Variants in LPCAT2 observed in about 807,000 individuals in gnomAD.
LPCAT2 encodes lysophosphatidylcholine acyltransferase 2.
Under a neutral mutation model 64.7 loss-of-function variants are expected in LPCAT2, and 58 were observed. That is an observed-to-expected ratio of 0.90 (90% CI 0.73 to 1.12). LPCAT2 has a LOEUF of 1.12. LPCAT2 is among the 50% of genes most tolerant of loss of function. The probability of loss-of-function intolerance (pLI) is 0.00; values close to 1 mark genes in which losing one functional copy is unlikely to be tolerated. For synonymous variants in LPCAT2, 252 were observed against 245.3 expected (o/e 1.03, Z -0.26); for missense variants, 579 against 669.8 (o/e 0.86, Z 1.50).
chr16:55,565,173 G>T (rs1567404274), intron 11 of LPCAT2, among the ~76,000 whole-genome samples: 1 of 148,522 alleles, frequency 6.7e-6, no homozygotes, highest in Non-Finnish European at 1.5e-5. Context: ...CATTAGGATG[G>T]CTATTATTAG....
chr16:55,585,908 T>C lies in LPCAT2; in HGVS notation c.*2810T>C, dbSNP rs1320764596. 1.3e-5 allele frequency: 2 copies of C among 152,150 alleles called. No homozygotes were observed. Among genetic ancestry groups the C allele is most frequent in the Non-Finnish European group, 2.9e-5 (2 of 68,008 alleles). 9.4% of individuals were successfully genotyped at this position (152,150 alleles called of 1,614,324 possible). On this transcript the variant is annotated 3_prime_UTR_variant, in exon 14 of 14. Coordinates refer to ENST00000262134, the MANE Select transcript of LPCAT2 (RefSeq NM_017839.5). ...AAGGTGGTTAATTGAAGGCCACTAA[T>C]TGATGCTCAAATAGAAGGATATTGA... is the stretch of plus-strand genomic sequence containing the variant.
Position 55,550,975 on chromosome 16 carries a change from A to G in LPCAT2, c.1088A>G (p.His363Arg). 3.1e-6 allele frequency: 5 copies of G among 1,606,262 alleles called. No individual in the cohort carries two copies. Among genetic ancestry groups the G allele is most frequent in the Non-Finnish European group, 4.3e-6 (5 of 1,174,744 alleles). Residue 363 changes from histidine (H) to arginine (R), a missense_variant, in exon 11 of 14, where the codon CAT becomes CGT. By Grantham distance (29) the His-to-Arg change is conservative (BLOSUM62 0). Transcript: ENST00000262134. ...LKLDWDGVRK[H>R]LDEYASIASS... ...TTAGATTGGGATGGTGTTCGTAAGC[A>G]TTTGGATGAATATGCATCTATTGCG...
chr16:55,582,043 G>C (rs1040149927), intron 13 of LPCAT2, among the ~76,000 whole-genome samples: 2 of 151,858 alleles, frequency 1.3e-5, no homozygotes, highest in Non-Finnish European at 2.9e-5. Context: ...GGGCTCAAAT[G>C]GTTTTAAAAA....
chr16:55,549,536 A>T (rs9934904), intron 10 of LPCAT2, 134 bp downstream of exon 10: 791,736 of 814,306 alleles, frequency 0.97, 386,136 homozygotes, highest in Non-Finnish European at 0.99. Flanking sequence ...GTCAGAGTTG[A>T]GAATTTATCT....
chr16:55,581,295 A>T (rs573079912), intron 13 of LPCAT2, among the ~76,000 whole-genome samples: 1 of 152,300 alleles, frequency 6.6e-6, no homozygotes, highest in South Asian at 2.1e-4. Flanking sequence ...AACTTCATCT[A>T]TTTTTATTTT....
At position 55,585,179 on chromosome 16, in the gene LPCAT2, CAATTAA is replaced by C. The variant is rs1963931130; in HGVS notation, c.*2084_*2089del. On this transcript the variant is annotated 3_prime_UTR_variant, in exon 14 of 14. Transcript: ENST00000262134. ...CAAACTTGCTACATAAAATTCTTAGCAATTAAAAAAATTCTGATTCTGCCATTTTGT... is the reference window on the plus strand; with the variant it reads ...CAAACTTGCTACATAAAATTCTTAGCAAAAATTCTGATTCTGCCATTTTGT... The C allele has an allele frequency of 6.6e-6, 1 of 152,080 alleles. No individual in the cohort carries two copies. The highest frequency in any genetic ancestry group is 2.1e-4 in the South Asian group (1 of 4,830). 9.4% of individuals were successfully genotyped at this position (152,080 alleles called of 1,614,324 possible). A position where few individuals can be genotyped will look rare whatever the true frequency, so the allele number is the denominator to read the frequency against.
intron 1 of LPCAT2, among the ~76,000 whole-genome samples, chr16:55,512,582 G>A (rs1962948774): frequency 6.6e-6 from 1 of 152,170 alleles, no homozygotes; most frequent in Non-Finnish European, 1.5e-5. Flanking sequence ...TCCCAGAAAG[G>A]AGGAAACTAG....
chr16:55,538,298 C>G (rs1238333353), intron 8 of LPCAT2: 1 of 152,140 alleles, frequency 6.6e-6, no homozygotes, highest in Non-Finnish European at 1.5e-5. Flanking sequence ...TAGCAGTACC[C>G]TCAGGTAGTC....
At chr16:55,537,732 G>C in intron 8 of LPCAT2, 100 bp downstream of exon 8, 2 of 944,352 alleles carry the variant, frequency 2.1e-6, no homozygotes, top group Non-Finnish European at 3.3e-6. Context: ...TCCATCACCA[G>C]GTGTTTTACA....
chr16:55,554,540 G>A (rs1262483712), intron 11 of LPCAT2, among the ~76,000 whole-genome samples: 2 of 152,200 alleles, frequency 1.3e-5, no homozygotes, highest in South Asian at 2.1e-4. Context: ...TTAACAAAAT[G>A]TTGTGGCTTT....
rs1365486886 is a variant in LPCAT2 at position 55,532,992 on chromosome 16, G to A, written c.762+110G>A. On this transcript the variant is annotated intron_variant, in intron 6 of 13. Coordinates refer to ENST00000262134, the MANE Select transcript of LPCAT2 (RefSeq NM_017839.5). ...GGTTGTGAACAGATAAATGGTGGAA[G>A]CAAATGGGAGAGCTCATTCTGCTCG... 84 of 824,644 alleles carry A rather than the reference G, an allele frequency of 1.0e-4. 1 individual carries two copies. In the East Asian group the frequency reaches 2.3e-3, roughly 23 times the overall value. 51.1% of individuals were successfully genotyped at this position (824,644 alleles called of 1,614,324 possible).
chr16:55,515,484 G>C lies in LPCAT2; in HGVS notation c.171+6132G>C, dbSNP rs536793120. On this transcript the variant is annotated intron_variant, in intron 1 of 13. Coordinates refer to ENST00000262134, the MANE Select transcript of LPCAT2 (RefSeq NM_017839.5). Reference sequence around the variant, plus strand: ...ATAAATAATAAAGGGAGTCTCTCAGGCTGAAATGAAAGGATACTAGACAGT... The same window carrying C: ...ATAAATAATAAAGGGAGTCTCTCAGCCTGAAATGAAAGGATACTAGACAGT... Among the ~76,000 whole-genome samples the C allele has an allele frequency of 2.7e-3, 413 of 152,250 alleles. 9 individuals are homozygous for C. The South Asian group carries it at 0.05, about 18-fold the overall frequency.
chr16:55,567,608 C>T lies in LPCAT2; in HGVS notation c.1216-7023C>T, dbSNP rs190607527. On this transcript the variant is annotated intron_variant, in intron 11 of 13. Transcript: ENST00000262134. ...CTGTGCAACAGCTCTCATTTCCTGGCAAGCTCTTTCACAACCCTACATATT... is the reference window on the plus strand; with the variant it reads ...CTGTGCAACAGCTCTCATTTCCTGGTAAGCTCTTTCACAACCCTACATATT... 8 of 1,136,602 alleles carry T rather than the reference C, an allele frequency of 7.0e-6. No homozygotes were observed. In the East Asian group the frequency reaches 1.7e-4, roughly 24 times the overall value. 70.4% of individuals were successfully genotyped at this position (1,136,602 alleles called of 1,614,324 possible). A position where few individuals can be genotyped will look rare whatever the true frequency, so the allele number is the denominator to read the frequency against.
rs755582620 is a variant in LPCAT2 at position 55,525,471 on chromosome 16, T to C, written c.172-37T>C. The C allele has an allele frequency of 2.5e-5, 40 of 1,571,896 alleles. No individual in the cohort carries two copies. The Admixed American group carries it at 6.0e-4, about 24-fold the overall frequency. On this transcript the variant is annotated intron_variant, in intron 1 of 13. Transcript: ENST00000262134. Reference sequence around the variant, plus strand: ...GTTTGATAGCCATGAATTAAAATAATGTCCATTCATTTATTTTTACCAACT... The same window carrying C: ...GTTTGATAGCCATGAATTAAAATAACGTCCATTCATTTATTTTTACCAACT...
intron 11 of LPCAT2, among the ~76,000 whole-genome samples, chr16:55,557,183 A>T (rs1963586340): frequency 6.6e-6 from 1 of 151,998 alleles, no homozygotes; most frequent in Non-Finnish European, 1.5e-5. Flanking sequence ...TAGTCTGGAG[A>T]ATTAATGATT....
chr16:55,536,612 C>T (rs1380702318), intron 7 of LPCAT2, among the ~76,000 whole-genome samples: 1 of 152,092 alleles, frequency 6.6e-6, no homozygotes, highest in East Asian at 1.9e-4. Context: ...CTCCTACATT[C>T]CTTAAATAAG....
intron 11 of LPCAT2, among the ~76,000 whole-genome samples, chr16:55,564,551 G>T (rs1963671168): frequency 6.6e-6 from 1 of 151,874 alleles, no homozygotes; most frequent in Non-Finnish European, 1.5e-5. Context: ...TGTGTATATG[G>T]TCATATGATT....
intron 13 of LPCAT2, among the ~76,000 whole-genome samples, chr16:55,580,983 A>G (rs1183613739): frequency 5.3e-5 from 8 of 152,232 alleles, no homozygotes; most frequent in African/African-American, 1.9e-4. Context: ...ATTGTCTTCC[A>G]TGAAACCAGT....
At chr16:55,568,980 A>G (rs556658496) in intron 11 of LPCAT2, among the ~76,000 whole-genome samples, 1 of 152,234 alleles carries the variant, frequency 6.6e-6, no homozygotes, top group South Asian at 2.1e-4. Flanking sequence ...ATTGGTCTCT[A>G]CCCATTCTGC....
Sources: gnomAD v4.1 joint callset for allele counts (sites outside exome capture counted in the v4.1 genomes callset) on GRCh38, gnomAD v4.1.1 for gene constraint, MANE v1.5 for transcripts, NCBI Gene and HGNC (gene_info 2026-07-23, HGNC 2026-07-21) for gene names.